VPS8: variants seen among roughly 807,000 people sequenced by gnomAD.
VPS8 encodes VPS8 subunit of CORVET complex.
In VPS8, 129 loss-of-function variants were observed where a neutral mutation model predicts 216.4. The ratio of observed to expected loss-of-function variants is 0.60; its 90% CI spans 0.52 to 0.69. The LOEUF (loss-of-function observed/expected upper bound fraction) is 0.69, where lower values mean the gene tolerates loss of function less well. Among genes scored for constraint, VPS8 ranks in the 30% least tolerant of loss-of-function variants. The probability of loss-of-function intolerance (pLI) is 0.00; values close to 1 mark genes in which losing one functional copy is unlikely to be tolerated. For synonymous variants in VPS8, 571 were observed against 565.4 expected (o/e 1.01, Z -0.14); for missense variants, 1,531 against 1,683.5 (o/e 0.91, Z 1.59).
At chr3:184,856,088 T>G (rs1043874963) in intron 14 of VPS8, among the ~76,000 whole-genome samples, 1 of 152,248 alleles carries the variant, frequency 6.6e-6, no homozygotes, top group African/African-American at 2.4e-5. Context: ...TGAATGTGAA[T>G]ATGTGTTAAT....
intron 25 of VPS8, among the ~76,000 whole-genome samples, 199 bp from the exon 26 acceptor site, chr3:184,913,320 C>A (rs1736906783): frequency 6.6e-6 from 1 of 152,142 alleles, no homozygotes; most frequent in Non-Finnish European, 1.5e-5. Flanking sequence ...CTTAGGGTAG[C>A]TTATATTGCT....
chr3:184,842,193 A>AAAAAAAAAAAAAAAAAAAAAG, intron 7 of VPS8, among the ~76,000 whole-genome samples: 1 of 148,788 alleles, frequency 6.7e-6, no homozygotes. Context: ...TCTCAAAAAA[A>AAAAAAAAAAAAAAAAAAAAAG]AAAAAAAAAA....
intron 39 of VPS8, 44 bp from the exon 40 acceptor site, chr3:184,971,605 A>C: frequency 6.7e-7 from 1 of 1,492,136 alleles, no homozygotes; most frequent in South Asian, 1.2e-5. Flanking sequence ...TGAGATTATC[A>C]GCAACATATC....
At chr3:184,982,802 G>A (rs886785204) in intron 41 of VPS8, among the ~76,000 whole-genome samples, 155 bp downstream of exon 41, 1 of 152,006 alleles carries the variant, frequency 6.6e-6, no homozygotes, top group African/African-American at 2.4e-5. Context: ...CATCTTTCAT[G>A]TTTCTTTCTG....
chr3:185,049,951 A>T (rs1386685674), intron 47 of VPS8, among the ~76,000 whole-genome samples: 1 of 151,872 alleles, frequency 6.6e-6, no homozygotes, highest in East Asian at 1.9e-4. Flanking sequence ...AACTGGCCTC[A>T]CCCCCATCCC....
intron 46 of VPS8, among the ~76,000 whole-genome samples, chr3:185,035,315 C>T (rs1758729649): frequency 6.6e-6 from 1 of 152,122 alleles, no homozygotes; most frequent in African/African-American, 2.4e-5. Context: ...AGAAAGAAAA[C>T]TTCAGGCCAA....
intron 6 of VPS8, chr3:184,839,465 G>T: frequency 2.1e-6 from 1 of 468,988 alleles, no homozygotes; most frequent in Non-Finnish European, 3.7e-6. Context: ...CTATAATGTT[G>T]AACATATGAT....
At position 184,855,685 on chromosome 3, in the gene VPS8, T is replaced by C. The variant is rs1725108716; in HGVS notation, c.1036-26T>C. On this transcript the variant is annotated intron_variant, in intron 13 of 47. Coordinates refer to ENST00000625842, the MANE Select transcript of VPS8 (RefSeq NM_001009921.3). Reference sequence around the variant, plus strand: ...TCCCCTTGTTTATTAACTGTGATGATTTTTTTTTTCCATCTCCCTACTTAG... The same window carrying C: ...TCCCCTTGTTTATTAACTGTGATGACTTTTTTTTTCCATCTCCCTACTTAG... 2 of 1,376,664 alleles carry C rather than the reference T, an allele frequency of 1.5e-6. 1 individual carries two copies. Among genetic ancestry groups the C allele is most frequent in the South Asian group, 2.5e-5 (2 of 80,048 alleles). The allele number at this position is 1,376,664 out of a possible 1,614,324, so 85.3% of individuals were successfully genotyped here.
At chr3:185,019,248 G>A (rs7616893) in intron 45 of VPS8, among the ~76,000 whole-genome samples, 1,659 of 152,100 alleles carry the variant, frequency 0.011, 32 homozygotes, top group African/African-American at 0.037. Context: ...TCACTCCGGC[G>A]ACCCTTCAAC....
At chr3:185,043,802 G>A (rs1450501181) in intron 46 of VPS8, among the ~76,000 whole-genome samples, 1 of 152,210 alleles carries the variant, frequency 6.6e-6, no homozygotes, top group East Asian at 1.9e-4. Context: ...CCCAGAAGGA[G>A]GGCAGGTGTC....
At position 184,894,812 on chromosome 3, in the gene VPS8, A is replaced by G. The variant is rs1290248373; in HGVS notation, c.1891A>G (p.Ile631Val). The G allele has an allele frequency of 6.2e-7, 1 of 1,610,908 alleles. No individual in the cohort carries two copies. The highest frequency in any genetic ancestry group is 1.3e-5 in the African/African-American group (1 of 74,970). Reference sequence around the variant, plus strand: ...TATTTTAAGTGATAAATTGGTGGGAATCACACCCCAAGTAATGAAAGACTT... The same window carrying G: ...TATTTTAAGTGATAAATTGGTGGGAGTCACACCCCAAGTAATGAAAGACTT... Reference protein sequence around the residue: ...PYILSDKLVGITPQVMKDLIV... With the variant: ...PYILSDKLVGVTPQVMKDLIV... Residue 631 changes from isoleucine to valine, a missense_variant, in exon 23 of 48, where the codon ATC becomes GTC. By Grantham distance (29) the Ile-to-Val change is conservative. Around this residue, in one of 3 missense-constraint regions of VPS8, gnomAD observed 1,318 missense variants for 1,468.4 expected, o/e 0.90. Coordinates refer to ENST00000625842, the MANE Select transcript of VPS8 (RefSeq NM_001009921.3).
chr3:184,825,900 C>CGAAAAAAAAAAAAAAAAAAAAAA (rs1718661482), intron 2 of VPS8, among the ~76,000 whole-genome samples: 1 of 97,598 alleles, frequency 1.0e-5, no homozygotes. Flanking sequence ...GACTCTGTCT[C>CGAAAAAAAAAAAAAAAAAAAAAA]AAAAAAAAAA....
At chr3:185,016,233 G>A (rs1755770864) in intron 45 of VPS8, among the ~76,000 whole-genome samples, 1 of 152,208 alleles carries the variant, frequency 6.6e-6, no homozygotes, top group Admixed American at 6.5e-5. Context: ...ACAATGTAGT[G>A]TCATTTACTA....
At chr3:184,946,377 C>A (rs539347807) in intron 36 of VPS8, among the ~76,000 whole-genome samples, 3 of 152,292 alleles carry the variant, frequency 2.0e-5, no homozygotes, top group Admixed American at 2.0e-4. Flanking sequence ...GGCCTGCGCC[C>A]AGGAATGAGC....
At chr3:184,987,515 T>G (rs958694735) in intron 42 of VPS8, among the ~76,000 whole-genome samples, 4 of 152,208 alleles carry the variant, frequency 2.6e-5, no homozygotes, top group Non-Finnish European at 5.9e-5. Context: ...CTTTTTTCAC[T>G]TAGCAATATG....
intron 45 of VPS8, among the ~76,000 whole-genome samples, chr3:185,008,190 G>T (rs1014697176): frequency 1.3e-5 from 2 of 152,084 alleles, no homozygotes. Context: ...ACATAGAGAC[G>T]ATTGATCATC....
intron 42 of VPS8, among the ~76,000 whole-genome samples, chr3:184,985,788 G>T (rs945895338): frequency 6.6e-6 from 1 of 152,250 alleles, no homozygotes; most frequent in African/African-American, 2.4e-5. Context: ...GGAACGGACA[G>T]TTCCTGTTTT....
rs781050562 is a variant in VPS8, at chr3:184,832,763, C to T, written c.297C>T (p.Ser99=). 2.5e-6 allele frequency: 4 copies of T among 1,609,674 alleles called. No homozygotes were observed. In the South Asian group the frequency reaches 4.4e-5, roughly 18 times the overall value. The change falls in exon 4 of 48, where the codon TCC becomes TCT. Residue 99 remains serine, a synonymous_variant. Coordinates refer to ENST00000625842, the MANE Select transcript of VPS8 (RefSeq NM_001009921.3). ...LLNIDTIDSH[S]YDTSSVASSD... is the part of the protein sequence containing the mutation. ...ACATTGATACTATTGATTCTCACTC[C>T]TATGATACTTCATCTGTGGCAAGCT... is the stretch of plus-strand genomic sequence containing the variant.
chr3:184,843,380 GTTAA>G, intron 8 of VPS8, 135 bp downstream of exon 8: 1 of 526,650 alleles, frequency 1.9e-6, no homozygotes, highest in South Asian at 6.3e-5. Context: ...TGAAAAATTA[GTTAA>G]GTGGGAAATT....
Sources: allele counts gnomAD v4.1 joint callset (sites outside exome capture counted in the v4.1 genomes callset), GRCh38; gene constraint gnomAD v4.1.1; regional missense constraint gnomAD v4.1.1; transcripts MANE v1.5; gene names NCBI Gene and HGNC (gene_info 2026-07-23, HGNC 2026-07-21).